PDE6A: variants seen among roughly 807,000 people sequenced by gnomAD.
The protein encoded by PDE6A is rod cGMP-specific 3',5'-cyclic phosphodiesterase subunit alpha.
In PDE6A, 84 loss-of-function variants were observed where a neutral mutation model predicts 106.3. That is an observed-to-expected ratio of 0.79 (90% CI 0.66 to 0.95). PDE6A has a LOEUF of 0.95. PDE6A is among the 40% of genes least tolerant of loss of function. PDE6A has a pLI of 0.00. For synonymous variants in PDE6A, 394 were observed against 386.6 expected (o/e 1.02, Z -0.23); for missense variants, 1,052 against 1,084.9 (o/e 0.97, Z 0.43).
intron 1 of PDE6A, among the ~76,000 whole-genome samples, chr5:149,941,375 G>T (rs985865351): frequency 2.6e-5 from 4 of 152,166 alleles, no homozygotes; most frequent in Non-Finnish European, 4.4e-5. Context: ...CTGGGCAGAG[G>T]GCTATGTGGA....
intron 13 of PDE6A, among the ~76,000 whole-genome samples, chr5:149,893,252 A>C (rs532221071): frequency 1.3e-5 from 2 of 152,178 alleles, no homozygotes; most frequent in Non-Finnish European, 2.9e-5. Context: ...TCTACCGCAA[A>C]ACTTTAGGGC....
intron 5 of PDE6A, among the ~76,000 whole-genome samples, chr5:149,921,227 C>T (rs543428327): frequency 7.0e-4 from 106 of 152,070 alleles, no homozygotes; most frequent in African/African-American, 2.5e-3. Flanking sequence ...TGGTCTACCC[C>T]GCAAGGTTAC....
intron 7 of PDE6A, among the ~76,000 whole-genome samples, chr5:149,906,984 C>T (rs1315736897): frequency 2.0e-5 from 3 of 152,184 alleles, no homozygotes; most frequent in Admixed American, 2.0e-4. Context: ...GTTGGCCAGG[C>T]TGGTCTCCAG....
intron 17 of PDE6A, 25 bp from the exon 18 acceptor site, chr5:149,868,183 C>T (rs1434578677): frequency 6.2e-7 from 1 of 1,608,832 alleles, no homozygotes; most frequent in African/African-American, 1.3e-5. Context: ...CACCCTCTAT[C>T]AGTCCAGGGC....
intron 5 of PDE6A, among the ~76,000 whole-genome samples, chr5:149,917,630 G>C (rs77343011): frequency 0.03 from 4,625 of 152,266 alleles, 247 homozygotes; most frequent in African/African-American, 0.1. Context: ...ACCCCCAGGG[G>C]TAGTGAGCTC....
chr5:149,942,614 G>A (rs1026369519), intron 1 of PDE6A, among the ~76,000 whole-genome samples: 2 of 152,000 alleles, frequency 1.3e-5, no homozygotes, highest in Non-Finnish European at 2.9e-5. Context: ...AGCATATGGA[G>A]GACCCGTGCC....
In PDE6A at chr5:149,903,671, C is replaced by T. The variant is rs1241540690; in HGVS notation, c.1090G>A (p.Ala364Thr). 2 of 1,613,894 alleles carry T rather than the reference C, an allele frequency of 1.2e-6. No individual in the cohort carries two copies. Among genetic ancestry groups the T allele is most frequent in the Admixed American group, 1.7e-5 (1 of 60,010 alleles). ...GLICNIMNAP[A>T]EDFFAFQKEP... Reference sequence around the variant, plus strand: ...ACCTGAAATGCAAAAAAGTCCTCCGCAGGCGCATTCATGATGTTGCAAATC... The same window carrying T: ...ACCTGAAATGCAAAAAAGTCCTCCGTAGGCGCATTCATGATGTTGCAAATC... Residue 364 changes from alanine to threonine, a missense_variant, in exon 8 of 22, where the codon GCG becomes ACG. Around this residue, in one of 3 missense-constraint regions of PDE6A, gnomAD observed 913 missense variants for 915.2 expected, o/e 1.00. Transcript: ENST00000255266.
intron 4 of PDE6A, among the ~76,000 whole-genome samples, chr5:149,928,306 C>T (rs1192261008): frequency 7.2e-6 from 1 of 138,424 alleles, no homozygotes; most frequent in African/African-American, 2.8e-5. Context: ...GGCACAATCT[C>T]GGCTCACTGC....
chr5:149,921,630 C>T lies in PDE6A; in HGVS notation c.933+5G>A, dbSNP rs753397673. The T allele has an allele frequency of 1.6e-5, 26 of 1,608,450 alleles. No individual in the cohort carries two copies. Among genetic ancestry groups the T allele is most frequent in the Admixed American group, 8.3e-5 (5 of 60,014 alleles). ...ATCATACTGAAAAGGTCAGAGAGAA[C>T]GTACTCTTCCATCCGGAGTCCTGGG... On this transcript the variant is annotated splice_donor_5th_base_variant and intron_variant, in intron 5 of 21. Coordinates refer to ENST00000255266, the MANE Select transcript of PDE6A (RefSeq NM_000440.3).
Position 149,903,687 on chromosome 5 carries a change from G to A in PDE6A, c.1074C>T (p.Asn358=), listed in dbSNP as rs758801133. 19 of 1,613,756 alleles carry A rather than the reference G, an allele frequency of 1.2e-5. No individual in the cohort carries two copies. The highest frequency in any genetic ancestry group is 1.5e-5 in the Non-Finnish European group (18 of 1,179,638). Residue 358 remains asparagine, a synonymous_variant, in exon 8 of 22, where the codon AAC becomes AAT. Coordinates refer to ENST00000255266, the MANE Select transcript of PDE6A (RefSeq NM_000440.3). ...AYVAQNGLIC[N]IMNAPAEDFF... is the part of the protein sequence containing the mutation. ...AGTCCTCCGCAGGCGCATTCATGAT[G>A]TTGCAAATCTGAGAGCAGTGAAGGG...
intron 6 of PDE6A, among the ~76,000 whole-genome samples, chr5:149,913,383 A>T (rs868270939): frequency 0.13 from 3,288 of 26,170 alleles, 102 homozygotes; most frequent in African/African-American, 0.26. Context: ...CTCCATCTTA[A>T]AAAAAAAAAA....
chr5:149,909,688 T>G (rs1753311737), intron 6 of PDE6A, among the ~76,000 whole-genome samples: 1 of 152,240 alleles, frequency 6.6e-6, no homozygotes, highest in African/African-American at 2.4e-5. Flanking sequence ...ACATGTGCAT[T>G]TGAGGCTGTA....
At chr5:149,934,503 G>A (rs1304725980) in intron 2 of PDE6A, 63 bp downstream of exon 2, 2 of 1,553,038 alleles carry the variant, frequency 1.3e-6, no homozygotes, top group Non-Finnish European at 1.8e-6. Context: ...CAAAGTTCAG[G>A]GGACTTCATA....
chr5:149,906,519 C>CAAAAAAAAA (rs560905491), intron 7 of PDE6A, among the ~76,000 whole-genome samples: 1,662 of 54,088 alleles, frequency 0.031, 141 homozygotes, highest in African/African-American at 0.069. Context: ...GAGACACTGT[C>CAAAAAAAAA]AAAAAAAAAA....
Position 149,892,493 on chromosome 5 carries a change from CTTTT to C in PDE6A, c.1728+2686_1728+2689del, listed in dbSNP as rs56059807. On this transcript the variant is annotated intron_variant, in intron 13 of 21. Coordinates refer to ENST00000255266, the MANE Select transcript of PDE6A (RefSeq NM_000440.3). ...ATGACATTTTCTTTTCTTTTCTTTCCTTTTTTTTTTTTTTTTGAGACAATGATTC... is the reference window on the plus strand; with the variant it reads ...ATGACATTTTCTTTTCTTTTCTTTCCTTTTTTTTTTTTGAGACAATGATTC... Among the ~76,000 whole-genome samples, 8 of 135,488 alleles carry C rather than the reference CTTTT, an allele frequency of 5.9e-5. No homozygotes were observed. The South Asian group carries it at 7.0e-4, about 12-fold the overall frequency. 88.9% of individuals were successfully genotyped at this position (135,488 alleles called of 152,430 possible).
chr5:149,921,401 A>T (rs921640382), intron 5 of PDE6A, among the ~76,000 whole-genome samples: 2 of 152,144 alleles, frequency 1.3e-5, no homozygotes, highest in Non-Finnish European at 2.9e-5. Flanking sequence ...TTAGGGCATG[A>T]CAATTATGAG....
intron 17 of PDE6A, among the ~76,000 whole-genome samples, chr5:149,873,943 C>T (rs1760645457): frequency 6.6e-6 from 1 of 151,064 alleles, no homozygotes; most frequent in African/African-American, 2.4e-5. Flanking sequence ...GAGGTTGAGG[C>T]TACAGTGAGC....
At chr5:149,932,400 GTTT>G in intron 3 of PDE6A, 1 of 1,366,116 alleles carries the variant, frequency 7.3e-7, no homozygotes, top group Non-Finnish European at 1.0e-6. Flanking sequence ...ACGAGGTGCT[GTTT>G]TTAGTGCGAG....
At chr5:149,878,350 A>G (rs1362323840) in intron 17 of PDE6A, among the ~76,000 whole-genome samples, 1 of 151,350 alleles carries the variant, frequency 6.6e-6, no homozygotes, top group African/African-American at 2.4e-5. Context: ...ATTTGATGTC[A>G]TTTCTTTGCA....
Sources: gnomAD v4.1 joint callset for allele counts (sites outside exome capture counted in the v4.1 genomes callset) on GRCh38, gnomAD v4.1.1 for gene constraint, gnomAD v4.1.1 regional missense constraint, MANE v1.5 for transcripts, NCBI Gene and HGNC (gene_info 2026-07-23, HGNC 2026-07-21) for gene names.